Variants in SLC35D4 observed in about 807,000 individuals in gnomAD.
SLC35D4 encodes solute carrier family 35 member D4, also known as UDP-N-acetylglucosamine transporter SLC35D4.
the SLC35D4 span, among the ~76,000 whole-genome samples, chr18:23,303,121 G>C: frequency 1.3e-5 from 2 of 152,206 alleles, no homozygotes; most frequent in South Asian, 4.1e-4. Flanking sequence ...TGGGCTCTGA[G>C]AGCTGGTCAC....
the SLC35D4 span, among the ~76,000 whole-genome samples, chr18:23,372,039 C>T: frequency 1.4e-5 from 2 of 140,744 alleles, no homozygotes; most frequent in Non-Finnish European, 3.1e-5. Flanking sequence ...GGGTTCACGC[C>T]ATTCTCCTGC....
the SLC35D4 span, among the ~76,000 whole-genome samples, chr18:23,283,465 C>A: frequency 9.1e-6 from 1 of 110,306 alleles, no homozygotes; most frequent in Non-Finnish European, 1.7e-5. Flanking sequence ...CAGAGAGACC[C>A]AGTCTCAAAA....
At chr18:23,402,571 A>C in the SLC35D4 span, among the ~76,000 whole-genome samples, 1 of 151,388 alleles carries the variant, frequency 6.6e-6, no homozygotes, top group Non-Finnish European at 1.5e-5. Flanking sequence ...TTGGGAGGCC[A>C]AAATGGAAGG....
the SLC35D4 span, among the ~76,000 whole-genome samples, chr18:23,400,049 G>A: frequency 2.6e-5 from 4 of 152,148 alleles, no homozygotes; most frequent in African/African-American, 9.7e-5. Flanking sequence ...AAACAGCTCC[G>A]TGGAATCACA....
chr18:23,243,265 C>T, the SLC35D4 span, among the ~76,000 whole-genome samples: 1 of 151,892 alleles, frequency 6.6e-6, no homozygotes, highest in Non-Finnish European at 1.5e-5. Context: ...GAAAATGTCA[C>T]ATCACATTAG....
chr18:23,367,988 C>T, the SLC35D4 span, among the ~76,000 whole-genome samples: 1 of 152,082 alleles, frequency 6.6e-6, no homozygotes, highest in East Asian at 1.9e-4. Flanking sequence ...AGTAAGCAGG[C>T]TTATTCTCTG....
chr18:23,371,873 T>TC, the SLC35D4 span, among the ~76,000 whole-genome samples: 1 of 151,290 alleles, frequency 6.6e-6, no homozygotes. Context: ...TCTTCCCTTA[T>TC]TATTCTCCAC....
the SLC35D4 span, among the ~76,000 whole-genome samples, chr18:23,375,124 AT>A: frequency 6.1e-3 from 920 of 150,308 alleles, 7 homozygotes; most frequent in African/African-American, 0.021. Flanking sequence ...CAAAAAAAAA[AT>A]AAAAATAAAA....
chr18:23,275,765 T>C, the SLC35D4 span, among the ~76,000 whole-genome samples: 1 of 152,086 alleles, frequency 6.6e-6, no homozygotes, highest in African/African-American at 2.4e-5. Flanking sequence ...TTCTAGAAGG[T>C]GTAGCTCTCC....
chr18:23,271,791 A>G, the SLC35D4 span, among the ~76,000 whole-genome samples: 145 of 152,298 alleles, frequency 9.5e-4, no homozygotes, highest in Non-Finnish European at 1.8e-3. Flanking sequence ...TGGTTTGATC[A>G]ATCATGCCTA....
chr18:23,372,688 G>A, the SLC35D4 span, among the ~76,000 whole-genome samples: 25 of 152,292 alleles, frequency 1.6e-4, no homozygotes, highest in African/African-American at 6.0e-4. Flanking sequence ...GAGGCCCCAC[G>A]TCTTCTTAGG....
At chr18:23,335,894 G>A in the SLC35D4 span, among the ~76,000 whole-genome samples, 7 of 152,144 alleles carry the variant, frequency 4.6e-5, no homozygotes, top group Non-Finnish European at 1.0e-4. Context: ...GAGTCAGGAA[G>A]TTTACAGAAA....
the SLC35D4 span, among the ~76,000 whole-genome samples, chr18:23,294,425 T>C: frequency 2.0e-5 from 3 of 152,126 alleles, no homozygotes; most frequent in African/African-American, 4.8e-5. Flanking sequence ...GCATAGAAGA[T>C]GGTGGTTAAA....
At chr18:23,362,422 AACCCTGTC>A in the SLC35D4 span, among the ~76,000 whole-genome samples, 3 of 152,126 alleles carry the variant, frequency 2.0e-5, 1 homozygote, top group South Asian at 2.1e-4. Context: ...AGTATCGTGA[AACCCTGTC>A]ACTACTAAAA....
the SLC35D4 span, among the ~76,000 whole-genome samples, chr18:23,361,103 C>CAAAAAAAAAAAAAAAAAAAAAAAA: frequency 3.2e-5 from 3 of 94,110 alleles, no homozygotes; most frequent in Admixed American, 1.3e-4. Context: ...GACTTTGTCT[C>CAAAAAAAAAAAAAAAAAAAAAAAA]AAAAAAAAAA....
the SLC35D4 span, among the ~76,000 whole-genome samples, chr18:23,364,675 T>A: frequency 6.6e-6 from 1 of 151,434 alleles, no homozygotes; most frequent in Non-Finnish European, 1.5e-5. Flanking sequence ...GAGGCCAAGG[T>A]GGGTGGATCA....
the SLC35D4 span, chr18:23,385,024 A>G: frequency 6.2e-7 from 1 of 1,613,848 alleles, no homozygotes; most frequent in Middle Eastern, 1.6e-4. Flanking sequence ...CCCACAGATG[A>G]TAACTTCAGC....
the SLC35D4 span, among the ~76,000 whole-genome samples, chr18:23,423,277 C>A: frequency 2.6e-5 from 4 of 152,232 alleles, no homozygotes; most frequent in Non-Finnish European, 5.9e-5. Context: ...CCAGTTTGCA[C>A]ATATCCTGTG....
the SLC35D4 span, among the ~76,000 whole-genome samples, chr18:23,363,979 G>A: frequency 8.7e-4 from 132 of 152,274 alleles, no homozygotes; most frequent in Middle Eastern, 3.4e-3. Context: ...TATGGCAAGC[G>A]GAGTGTAATA....
Sources: allele counts gnomAD v4.1 joint callset (sites outside exome capture counted in the v4.1 genomes callset), GRCh38; gene constraint gnomAD v4.1.1; transcripts MANE v1.5; gene names NCBI Gene and HGNC (gene_info 2026-07-23, HGNC 2026-07-21).